The following DOCK5 variants were observed in gnomAD, a reference collection of about 807,000 sequenced individuals.
DOCK5 encodes dedicator of cytokinesis 5.
In DOCK5, 142 loss-of-function variants were observed where a neutral mutation model predicts 251.8. The ratio of observed to expected loss-of-function variants is 0.56; its 90% CI spans 0.49 to 0.65. DOCK5 has a LOEUF of 0.65. Among genes scored for constraint, DOCK5 ranks in the 30% least tolerant of loss-of-function variants. The pLI is 0.00. For missense variants in DOCK5, 2,111 were observed against 2,312.3 expected, an observed-to-expected ratio of 0.91 and a Z score of 1.79; for synonymous variants, 842 against 835.5, an observed-to-expected ratio of 1.01 and a Z score of -0.13.
intron 1 of DOCK5, among the ~76,000 whole-genome samples, chr8:25,202,430 T>C (rs565421380): frequency 6.6e-6 from 1 of 152,298 alleles, no homozygotes; most frequent in South Asian, 2.1e-4. Context: ...CCTGGAATCC[T>C]AAGAGGAATG....
Position 25,377,356 on chromosome 8 carries a change from G to C in DOCK5, c.3868G>C (p.Val1290Leu), listed in dbSNP as rs767961154. The C allele has an allele frequency of 2.5e-6, 4 of 1,613,666 alleles. No homozygotes were observed. In the South Asian group the frequency reaches 4.4e-5, roughly 18 times the overall value. ...PHLLQKDSYYVYTQQELKEKL... is the reference protein window; with the variant it reads ...PHLLQKDSYYLYTQQELKEKL... ...TTTGCTTCAGAAGGACAGTTACTATGTTTATACCCAGCAAGAGCTTAAAGA... is the reference window on the plus strand; with the variant it reads ...TTTGCTTCAGAAGGACAGTTACTATCTTTATACCCAGCAAGAGCTTAAAGA... Residue 1290 changes from valine to leucine, a missense_variant, in exon 38 of 52, where the codon GTT (valine) becomes CTT (leucine). Coordinates refer to ENST00000276440, the MANE Select transcript of DOCK5 (RefSeq NM_024940.8).
chr8:25,229,153 A>T (rs541398131), intron 1 of DOCK5, among the ~76,000 whole-genome samples: 1 of 152,164 alleles, frequency 6.6e-6, no homozygotes, highest in East Asian at 1.9e-4. Context: ...TGCAGGAACC[A>T]GAAAGAATGC....
intron 34 of DOCK5, among the ~76,000 whole-genome samples, chr8:25,371,951 G>T (rs1800880727): frequency 6.6e-6 from 1 of 152,158 alleles, no homozygotes; most frequent in Non-Finnish European, 1.5e-5. Flanking sequence ...GGGTCCAAAG[G>T]GACAGGATTT....
chr8:25,193,632 C>T (rs116331273), intron 1 of DOCK5, among the ~76,000 whole-genome samples: 98 of 152,038 alleles, frequency 6.4e-4, no homozygotes, highest in African/African-American at 2.3e-3. Context: ...GGCATGGTAG[C>T]ATGTGGTTGT....
At chr8:25,348,698 C>A (rs1028949612) in intron 26 of DOCK5, among the ~76,000 whole-genome samples, 3 of 151,958 alleles carry the variant, frequency 2.0e-5, no homozygotes, top group Non-Finnish European at 4.4e-5. Flanking sequence ...ATTAGCTGGG[C>A]GTGGTGGTGC....
chr8:25,330,942 G>A (rs1337000896), intron 18 of DOCK5, among the ~76,000 whole-genome samples: 2 of 151,838 alleles, frequency 1.3e-5, no homozygotes, highest in East Asian at 3.9e-4. Flanking sequence ...GCCAGGTGTG[G>A]TGGTGCACCT....
At chr8:25,319,198 C>G (rs1266905122) in intron 14 of DOCK5, among the ~76,000 whole-genome samples, 1 of 152,164 alleles carries the variant, frequency 6.6e-6, no homozygotes, top group Non-Finnish European at 1.5e-5. Flanking sequence ...AAGAGAAATG[C>G]TTTTCTGCAA....
At chr8:25,287,196 G>A (rs1804358152) in intron 5 of DOCK5, among the ~76,000 whole-genome samples, 1 of 152,216 alleles carries the variant, frequency 6.6e-6, no homozygotes, top group African/African-American at 2.4e-5. Context: ...GGAGGCCGAG[G>A]TGGGAGGATC....
In DOCK5 at chr8:25,308,915, C is replaced by T; in HGVS notation, c.1182C>T (p.His394=). The T allele has an allele frequency of 2.5e-6, 4 of 1,613,548 alleles. No homozygotes were observed. Among genetic ancestry groups the T allele is most frequent in the Non-Finnish European group, 3.4e-6 (4 of 1,179,582 alleles). Residue 394 remains histidine, a synonymous_variant, in exon 12 of 52, where the codon CAC becomes CAT. Coordinates refer to ENST00000276440, the MANE Select transcript of DOCK5 (RefSeq NM_024940.8). ...NKVIAAKEVN[H]KGQGLWVSLK... ...TGATTGCAGCAAAGGAAGTGAATCA[C>T]AAAGGGCAAGGTACAGTCCAGTGCC...
At chr8:25,256,148 C>A (rs906760983) in intron 2 of DOCK5, among the ~76,000 whole-genome samples, 2 of 152,146 alleles carry the variant, frequency 1.3e-5, no homozygotes, top group Non-Finnish European at 1.5e-5. Flanking sequence ...CTATTATATT[C>A]TGTGTATCTG....
In DOCK5 at chr8:25,415,265, C is replaced by T. The variant is rs1055672711; in HGVS notation, c.*3967C>T. The T allele has an allele frequency of 9.2e-5, 14 of 152,152 alleles. No homozygotes were observed. The highest frequency in any genetic ancestry group is 3.4e-4 in the African/African-American group (14 of 41,424). 9.4% of individuals were successfully genotyped at this position (152,152 alleles called of 1,614,324 possible). On this transcript the variant is annotated 3_prime_UTR_variant, in exon 52 of 52. Coordinates refer to ENST00000276440, the MANE Select transcript of DOCK5 (RefSeq NM_024940.8). Reference sequence around the variant, plus strand: ...AGTCTAAGGCTTCACCAGCCTGGCCCACTGTATCTAGACTTTAGGTTCATT... The same window carrying T: ...AGTCTAAGGCTTCACCAGCCTGGCCTACTGTATCTAGACTTTAGGTTCATT...
chr8:25,381,709 G>A (rs1187715624), intron 39 of DOCK5, among the ~76,000 whole-genome samples: 1 of 152,032 alleles, frequency 6.6e-6, no homozygotes, highest in Non-Finnish European at 1.5e-5. Flanking sequence ...TAAGAAAATA[G>A]TATTTTGACG....
intron 1 of DOCK5, among the ~76,000 whole-genome samples, chr8:25,199,663 G>A (rs1334906544): frequency 6.6e-6 from 1 of 152,170 alleles, no homozygotes; most frequent in East Asian, 1.9e-4. Flanking sequence ...GATTACATGC[G>A]TGAGCCACCA....
At chr8:25,266,134 A>G (rs1803740462) in intron 2 of DOCK5, among the ~76,000 whole-genome samples, 1 of 151,736 alleles carries the variant, frequency 6.6e-6, no homozygotes, top group African/African-American at 2.4e-5. Flanking sequence ...AATAACTTAA[A>G]GCATCTGAGA....
At chr8:25,294,412 C>G (rs1475617743) in intron 6 of DOCK5, among the ~76,000 whole-genome samples, 1 of 152,214 alleles carries the variant, frequency 6.6e-6, no homozygotes, top group Non-Finnish European at 1.5e-5. Flanking sequence ...AGTGTTATCC[C>G]TGAGCGGTCT....
At chr8:25,385,716 C>A (rs981336628) in intron 40 of DOCK5, among the ~76,000 whole-genome samples, 2 of 152,164 alleles carry the variant, frequency 1.3e-5, no homozygotes, top group South Asian at 4.2e-4. Flanking sequence ...TGAGATAAAT[C>A]AATAAACTAT....
At chr8:25,296,387 G>T in intron 6 of DOCK5, 126 bp from the exon 7 acceptor site, 2 of 1,220,112 alleles carry the variant, frequency 1.6e-6, no homozygotes. Flanking sequence ...AATGAGGTGT[G>T]CTTCCCTGGG....
rs1805412057 is a variant in DOCK5, at chr8:25,321,052, A to G, written c.1615A>G (p.Thr539Ala). 6.2e-7 allele frequency: 1 copy of G among 1,612,742 alleles called. No homozygotes were observed. Among genetic ancestry groups the G allele is most frequent in the Middle Eastern group, 1.7e-4 (1 of 6,034 alleles). The change falls in exon 16 of 52, where the codon ACC (threonine) becomes GCC (alanine). Residue 539 changes from threonine to alanine, a missense_variant and splice_region_variant. Thr to Ala is a moderately conservative substitution (Grantham distance 58, BLOSUM62 0). Coordinates refer to ENST00000276440, the MANE Select transcript of DOCK5 (RefSeq NM_024940.8). Reference protein sequence around the residue: ...FTFRHRSSQETRDKSERAFGV... With the variant: ...FTFRHRSSQEARDKSERAFGV... ...CTTCCGACACAGGTCATCTCAGGAA[A>G]GTAAGTATTAAGACGTCTATGACAT...
At chr8:25,294,444 C>T (rs1804568589) in intron 6 of DOCK5, among the ~76,000 whole-genome samples, 1 of 152,208 alleles carries the variant, frequency 6.6e-6, no homozygotes, top group South Asian at 2.1e-4. Context: ...ACCGGGAATG[C>T]ATGCTGGGTA....
Sources: gnomAD v4.1 joint callset for allele counts (sites outside exome capture counted in the v4.1 genomes callset) on GRCh38, gnomAD v4.1.1 for gene constraint, MANE v1.5 for transcripts, NCBI Gene and HGNC (gene_info 2026-07-23, HGNC 2026-07-21) for gene names.